APP: variants seen among roughly 807,000 people sequenced by gnomAD.
APP encodes amyloid-beta precursor protein.
APP carries 31 observed loss-of-function variants against 101.4 expected under a neutral mutation model. That is an observed-to-expected ratio of 0.31 (90% CI 0.23 to 0.41). The LOEUF is 0.41. Ranked by LOEUF, APP falls within the 10% of genes least tolerant of loss-of-function variation. APP has a pLI of 1.00. For missense variants in APP, 839 were observed against 1,003.7 expected, an observed-to-expected ratio of 0.84 and a Z score of 2.22; for synonymous variants, 366 against 364.4, an observed-to-expected ratio of 1.00 and a Z score of -0.05.
intron 13 of APP, among the ~76,000 whole-genome samples, chr21:25,925,585 G>C (rs1013650805): frequency 6.6e-6 from 1 of 152,062 alleles, no homozygotes; most frequent in Non-Finnish European, 1.5e-5. Context: ...CCACAGCCAC[G>C]AGCTGTACCA....
chr21:25,962,050 G>A (rs940783899), intron 11 of APP, among the ~76,000 whole-genome samples: 4 of 151,966 alleles, frequency 2.6e-5, no homozygotes, highest in Non-Finnish European at 5.9e-5. Context: ...TAAAATATAT[G>A]GCAAAGAACA....
intron 13 of APP, among the ~76,000 whole-genome samples, chr21:25,935,799 C>T (rs866563993): frequency 7.4e-6 from 1 of 135,854 alleles, no homozygotes. Context: ...GAGATCGTGC[C>T]ACTGCATTCC....
intron 1 of APP, among the ~76,000 whole-genome samples, chr21:26,160,717 T>G (rs1297740690): frequency 2.0e-5 from 3 of 152,172 alleles, no homozygotes; most frequent in Non-Finnish European, 4.4e-5. Context: ...GCCACTAAAT[T>G]TAATTCCAAT....
chr21:26,054,839 T>C (rs973546343), intron 3 of APP, among the ~76,000 whole-genome samples: 8 of 151,938 alleles, frequency 5.3e-5, no homozygotes, highest in African/African-American at 1.9e-4. Context: ...CTTTCTTTCA[T>C]AGTACGCTAT....
rs578036118 is a variant in APP, at chr21:26,005,015, G to A, written c.866-4833C>T. ...TTTTATGGCTGCATAGTATTTCATG[G>A]TGTATATGTGCCACATTTTCTTAAT... On this transcript the variant is annotated intron_variant, in intron 6 of 17. Transcript: ENST00000346798. 5.9e-5 allele frequency among the ~76,000 whole-genome samples: 9 copies of A among 152,240 alleles called. 2 individuals are homozygous for A. In the South Asian group the frequency reaches 1.9e-3, roughly 32 times the overall value.
At chr21:26,160,902 G>A (rs1262781718) in intron 1 of APP, among the ~76,000 whole-genome samples, 1 of 152,088 alleles carries the variant, frequency 6.6e-6, no homozygotes, top group African/African-American at 2.4e-5. Context: ...GACTGAACGT[G>A]ATGTATTGAC....
chr21:25,957,375 T>C (rs1395288888), intron 11 of APP, among the ~76,000 whole-genome samples: 2 of 152,136 alleles, frequency 1.3e-5, no homozygotes, highest in Admixed American at 6.5e-5. Context: ...AAAAGAACAT[T>C]TGAAAACATC....
At chr21:26,007,555 A>G (rs1373321312) in intron 6 of APP, among the ~76,000 whole-genome samples, 1 of 150,712 alleles carries the variant, frequency 6.6e-6, no homozygotes, top group Non-Finnish European at 1.5e-5. Context: ...AGCTCAATGT[A>G]GTTCATAACA....
At chr21:25,897,882 A>C (rs971373429) in intron 15 of APP, 2 of 576,868 alleles carry the variant, frequency 3.5e-6, no homozygotes, top group Non-Finnish European at 6.1e-6. Flanking sequence ...AGGGTAAGGG[A>C]AACCTGAAAG....
chr21:25,898,008 G>A (rs565056554), intron 15 of APP: 7 of 349,102 alleles, frequency 2.0e-5, no homozygotes, highest in Admixed American at 9.0e-5. Flanking sequence ...TGTTGGCTTG[G>A]CTTACGGGCT....
Position 25,975,844 on chromosome 21 carries a change from A to C in APP, c.1299+110T>G, listed in dbSNP as rs1215681006. The C allele has an allele frequency of 8.3e-6, 7 of 848,192 alleles. 1 individual carries two copies. The highest frequency in any genetic ancestry group is 1.2e-5 in the Non-Finnish European group (6 of 494,260). The allele number at this position is 848,192 out of a possible 1,614,324, so 52.5% of individuals were successfully genotyped here. A position where few individuals can be genotyped will look rare whatever the true frequency, so the allele number is the denominator to read the frequency against. On this transcript the variant is annotated intron_variant, in intron 10 of 17. Coordinates refer to ENST00000346798, the MANE Select transcript of APP (RefSeq NM_000484.4). Reference sequence around the variant, plus strand: ...ATTAAGAACAGCTGAAGTTCATGGGACTATGAACAATCACACGTGAGGTGC... The same window carrying C: ...ATTAAGAACAGCTGAAGTTCATGGGCCTATGAACAATCACACGTGAGGTGC...
At chr21:25,893,234 C>G (rs2037813754) in intron 16 of APP, among the ~76,000 whole-genome samples, 3 of 152,226 alleles carry the variant, frequency 2.0e-5, no homozygotes, top group Admixed American at 6.5e-5. Context: ...AAACTGGCCA[C>G]TCCACCCCCT....
chr21:25,965,227 A>C (rs2041747322), intron 11 of APP, among the ~76,000 whole-genome samples: 1 of 152,228 alleles, frequency 6.6e-6, no homozygotes, highest in Non-Finnish European at 1.5e-5. Context: ...ACAACCCAGA[A>C]GGCAAAGCGC....
intron 13 of APP, among the ~76,000 whole-genome samples, chr21:25,947,138 G>T (rs45625837): frequency 1.3e-3 from 199 of 152,256 alleles, no homozygotes; most frequent in African/African-American, 4.7e-3. Flanking sequence ...TATTACATGT[G>T]AATTTTTAAA....
intron 1 of APP, among the ~76,000 whole-genome samples, chr21:26,135,453 G>T (rs890146752): frequency 2.6e-5 from 4 of 152,162 alleles, no homozygotes; most frequent in African/African-American, 7.2e-5. Flanking sequence ...ACAAAATACA[G>T]AAGTTTTCTC....
chr21:25,995,762 T>C (rs539033209), intron 8 of APP, among the ~76,000 whole-genome samples: 76 of 152,344 alleles, frequency 5.0e-4, no homozygotes, highest in African/African-American at 1.8e-3. Flanking sequence ...ACGTTTATGT[T>C]GCAGCAGTAC....
At chr21:26,118,969 G>T (rs1346496671) in intron 1 of APP, among the ~76,000 whole-genome samples, 2 of 152,156 alleles carry the variant, frequency 1.3e-5, no homozygotes, top group East Asian at 3.9e-4. Context: ...TATCTCATCA[G>T]CCTTGACCTT....
chr21:26,107,387 A>G (rs995086853), intron 2 of APP, among the ~76,000 whole-genome samples: 5 of 152,236 alleles, frequency 3.3e-5, no homozygotes, highest in Non-Finnish European at 7.3e-5. Context: ...CATCTCATTA[A>G]TGAATTGAAT....
At chr21:26,058,453 C>T (rs901101241) in intron 3 of APP, among the ~76,000 whole-genome samples, 1 of 152,166 alleles carries the variant, frequency 6.6e-6, no homozygotes, top group Non-Finnish European at 1.5e-5. Context: ...ATCAAACAGG[C>T]GAGTAGCAGA....
Sources: allele counts gnomAD v4.1 joint callset (sites outside exome capture counted in the v4.1 genomes callset), GRCh38; gene constraint gnomAD v4.1.1; transcripts MANE v1.5; gene names NCBI Gene and HGNC (gene_info 2026-07-23, HGNC 2026-07-21).